Variants in KYAT3 observed in about 807,000 individuals in gnomAD.
The protein encoded by KYAT3 is kynurenine aminotransferase 3, also known as kynurenine--oxoglutarate transaminase 3.
In KYAT3, 50 loss-of-function variants were observed where a neutral mutation model predicts 59.0. The ratio of observed to expected loss-of-function variants is 0.85; its 90% CI spans 0.68 to 1.07. KYAT3 has a LOEUF of 1.07. KYAT3 is among the 50% of genes least tolerant of loss of function. KYAT3 has a pLI of 0.00. For missense variants in KYAT3, 497 were observed against 533.3 expected, an observed-to-expected ratio of 0.93 and a Z score of 0.67; for synonymous variants, 148 against 177.0, an observed-to-expected ratio of 0.84 and a Z score of 1.30.
chr1:88,921,380 G>GT, the KYAT3 span, among the ~76,000 whole-genome samples: 2 of 152,106 alleles, frequency 1.3e-5, no homozygotes, highest in East Asian at 1.9e-4. Context: ...AGGTACTTTG[G>GT]TTTTTTTAGC....
chr1:88,964,520 C>A, intron 5 of KYAT3: 3 of 276,802 alleles, frequency 1.1e-5, no homozygotes, highest in Non-Finnish European at 2.1e-5. Flanking sequence ...GCAGTGAAAA[C>A]AAGCCTATGG....
At chr1:88,960,726 C>T (rs1676106342) in intron 8 of KYAT3, among the ~76,000 whole-genome samples, 1 of 152,084 alleles carries the variant, frequency 6.6e-6, no homozygotes, top group African/African-American at 2.4e-5. Context: ...TGAGATAGCC[C>T]AGTAGTAATG....
At chr1:88,925,333 C>T in the KYAT3 span, among the ~76,000 whole-genome samples, 5 of 152,172 alleles carry the variant, frequency 3.3e-5, no homozygotes, top group South Asian at 2.1e-4. Context: ...TCCTGGGTCC[C>T]GACCACGACT....
chr1:88,983,917 TG>T, intron 2 of KYAT3: 2 of 1,482,990 alleles, frequency 1.3e-6, no homozygotes, highest in Non-Finnish European at 1.9e-6. Flanking sequence ...TCAGCACCAG[TG>T]GCGGCTGTCA....
chr1:88,988,302 A>C lies in KYAT3; in HGVS notation c.49T>G (p.Phe17Val), dbSNP rs1282560060. The part of the protein sequence containing the change: ...SLCSLSGRAK[F>V]LKTISSSKIL... ...TTGGAAGAAGAAATTGTCTTCAGGA[A>C]TTTTGCTCTACCGCTAAGAGAGCAG... The change falls in exon 2 of 14, where the codon TTC becomes GTC. Residue 17 changes from phenylalanine (F) to valine (V), a missense_variant. Coordinates refer to ENST00000260508, the MANE Select transcript of KYAT3 (RefSeq NM_001008661.3). 1 of 1,613,898 alleles carries C rather than the reference A, an allele frequency of 6.2e-7. No homozygotes were observed. Among genetic ancestry groups the C allele is most frequent in the East Asian group, 2.2e-5 (1 of 44,854 alleles).
At chr1:88,937,817 A>C (rs1675096489) in intron 13 of KYAT3, among the ~76,000 whole-genome samples, 1 of 152,190 alleles carries the variant, frequency 6.6e-6, no homozygotes. Context: ...GGAAACATCA[A>C]ACTTAAATTG....
chr1:88,983,643 C>G (rs761978812), intron 2 of KYAT3: 2 of 1,613,902 alleles, frequency 1.2e-6, no homozygotes, highest in Non-Finnish European at 8.5e-7. Flanking sequence ...GCATCCTTAG[C>G]GTCTGCTGGG....
intron 9 of KYAT3, among the ~76,000 whole-genome samples, chr1:88,953,566 A>ACT (rs1675770944): frequency 7.4e-6 from 1 of 134,334 alleles, no homozygotes; most frequent in African/African-American, 2.7e-5. Context: ...AAAAAAAAAA[A>ACT]GTTCACACTA....
At chr1:88,965,824 C>T (rs764439253) in intron 4 of KYAT3, among the ~76,000 whole-genome samples, 4 of 152,050 alleles carry the variant, frequency 2.6e-5, no homozygotes, top group Non-Finnish European at 5.9e-5. Context: ...GGTCATGTAC[C>T]TTTGTTTGAA....
intron 13 of KYAT3, among the ~76,000 whole-genome samples, chr1:88,938,998 C>T (rs1675138649): frequency 6.6e-6 from 1 of 152,176 alleles, no homozygotes; most frequent in Non-Finnish European, 1.5e-5. Context: ...GAAATCACAT[C>T]TGAACAGAAA....
intron 2 of KYAT3, among the ~76,000 whole-genome samples, chr1:88,985,070 T>C (rs1465966187): frequency 1.3e-5 from 2 of 152,240 alleles, no homozygotes; most frequent in Non-Finnish European, 2.9e-5. Flanking sequence ...AACAAGCTTA[T>C]TGGAAACAAG....
intron 2 of KYAT3, chr1:88,982,537 T>C (rs1300182581): frequency 7.1e-7 from 1 of 1,401,808 alleles, no homozygotes; most frequent in Non-Finnish European, 9.6e-7. Context: ...ACAGGGAATT[T>C]AAAAAAGGTA....
chr1:88,961,985 G>T, intron 6 of KYAT3, 74 bp downstream of exon 6: 2 of 1,018,780 alleles, frequency 2.0e-6, no homozygotes, highest in South Asian at 2.6e-5. Flanking sequence ...ACTTTATCAT[G>T]ACAAAGTAAT....
intron 2 of KYAT3, chr1:88,981,644 G>A: frequency 6.0e-6 from 1 of 167,584 alleles, no homozygotes; most frequent in Non-Finnish European, 1.4e-5. Context: ...CCAACAATCA[G>A]CCGCCTTCTG....
intron 4 of KYAT3, among the ~76,000 whole-genome samples, chr1:88,966,325 C>G (rs2101051946): frequency 6.6e-6 from 1 of 152,254 alleles, no homozygotes; most frequent in East Asian, 1.9e-4. Flanking sequence ...TTTGGGAAAA[C>G]TGACATAGAC....
intron 7 of KYAT3, 26 bp from the exon 8 acceptor site, chr1:88,961,313 A>G (rs1278308950): frequency 6.2e-7 from 1 of 1,613,648 alleles, no homozygotes. Context: ...GAAAGAGCAC[A>G]GCCAATTATT....
At chr1:88,924,632 T>G in the KYAT3 span, among the ~76,000 whole-genome samples, 1 of 152,258 alleles carries the variant, frequency 6.6e-6, no homozygotes, top group African/African-American at 2.4e-5. Context: ...CAGCTCAAGC[T>G]GAGCTTTTGC....
At chr1:88,951,226 TTTTC>T (rs1409657511) in intron 10 of KYAT3, among the ~76,000 whole-genome samples, 1 of 152,068 alleles carries the variant, frequency 6.6e-6, no homozygotes. Flanking sequence ...AACATCTTTT[TTTTC>T]TTTCTTTTCT....
At chr1:88,956,542 A>G (rs572916126) in intron 8 of KYAT3, among the ~76,000 whole-genome samples, 23 of 152,374 alleles carry the variant, frequency 1.5e-4, no homozygotes, top group South Asian at 1.4e-3. Context: ...TAGTAGGGAC[A>G]TGAGCCACAT....
Sources: allele counts gnomAD v4.1 joint callset (sites outside exome capture counted in the v4.1 genomes callset), GRCh38; gene constraint gnomAD v4.1.1; transcripts MANE v1.5; gene names NCBI Gene and HGNC (gene_info 2026-07-23, HGNC 2026-07-21).